TENT2: variants seen among roughly 807,000 people sequenced by gnomAD.
The protein encoded by TENT2 is terminal nucleotidyltransferase 2.
In TENT2, 44 loss-of-function variants were observed where a neutral mutation model predicts 72.2. The observed-to-expected ratio is 0.61, with a 90% CI of 0.48 to 0.78. The LOEUF (loss-of-function observed/expected upper bound fraction) is 0.78, where lower values mean the gene tolerates loss of function less well. Among genes scored for constraint, TENT2 ranks in the 30% least tolerant of loss-of-function variants. The pLI is 0.00. For synonymous variants in TENT2, 212 were observed against 192.5 expected (o/e 1.10, Z -0.84); for missense variants, 541 against 569.6 (o/e 0.95, Z 0.51).
At chr5:79,644,283 A>T (rs1308892497) in intron 7 of TENT2, among the ~76,000 whole-genome samples, 2 of 152,122 alleles carry the variant, frequency 1.3e-5, no homozygotes, top group Non-Finnish European at 2.9e-5. Context: ...AGCCCAGCTG[A>T]TATATATTCT....
intron 8 of TENT2, among the ~76,000 whole-genome samples, chr5:79,645,411 A>G (rs1787999719): frequency 6.6e-6 from 1 of 152,092 alleles, no homozygotes; most frequent in Non-Finnish European, 1.5e-5. Context: ...TGAATATGTG[A>G]GACTATCTAA....
At chr5:79,649,232 A>G (rs1791611619) in intron 10 of TENT2, 42 bp downstream of exon 10, 1 of 1,576,706 alleles carries the variant, frequency 6.3e-7, no homozygotes, top group African/African-American at 1.3e-5. Context: ...AAAGTAAAAG[A>G]CAGCTTTATT....
At chr5:79,681,944 T>C in intron 13 of TENT2, 38 bp from the exon 14 acceptor site, 1 of 1,537,190 alleles carries the variant, frequency 6.5e-7, no homozygotes, top group Admixed American at 1.8e-5. Flanking sequence ...GCTCTCATTT[T>C]AATAATTTTT....
intron 11 of TENT2, among the ~76,000 whole-genome samples, 171 bp downstream of exon 11, chr5:79,657,172 TCTTA>T (rs905325170): frequency 2.0e-5 from 3 of 152,076 alleles, no homozygotes; most frequent in Non-Finnish European, 4.4e-5. Context: ...CAGAAAACTC[TCTTA>T]CTTGTTATTT....
intron 6 of TENT2, among the ~76,000 whole-genome samples, chr5:79,641,654 A>C (rs1467924602): frequency 1.3e-5 from 2 of 151,118 alleles, no homozygotes; most frequent in African/African-American, 4.9e-5. Context: ...TTAAAATAAG[A>C]CTCGTGTTTA....
At chr5:79,637,368 A>T (rs539839102) in intron 4 of TENT2, among the ~76,000 whole-genome samples, 1 of 151,768 alleles carries the variant, frequency 6.6e-6, no homozygotes, top group African/African-American at 2.4e-5. Flanking sequence ...TCGAGATTCC[A>T]TTTCTTTCCT....
At position 79,623,397 on chromosome 5, in the gene TENT2, T is replaced by C. The variant is rs201085302; in HGVS notation, c.373T>C (p.Tyr125His). ...AATGCCACCATTGTTTCATACACAT[T>C]ATGTACCAGATATAGTCAGATGTGT... ...YSMPPLFHTH[Y>H]VPDIVRCVPP... The change falls in exon 4 of 15, where the codon TAT becomes CAT. Residue 125 changes from tyrosine to histidine, a missense_variant. Coordinates refer to ENST00000453514, the MANE Select transcript of TENT2 (RefSeq NM_001114394.3). 16 of 1,613,538 alleles carry C rather than the reference T, an allele frequency of 9.9e-6. No homozygotes were observed. The highest frequency in any genetic ancestry group is 1.4e-5 in the Non-Finnish European group (16 of 1,179,650).
At chr5:79,683,499 G>GAGT (rs1823844226) in intron 14 of TENT2, among the ~76,000 whole-genome samples, 1 of 152,124 alleles carries the variant, frequency 6.6e-6, no homozygotes, top group Admixed American at 6.5e-5. Flanking sequence ...ATGAGTAATA[G>GAGT]AGTGATACCT....
chr5:79,673,817 G>A (rs1221205668), intron 12 of TENT2, among the ~76,000 whole-genome samples: 1 of 151,824 alleles, frequency 6.6e-6, no homozygotes, highest in East Asian at 1.9e-4. Flanking sequence ...TAAATATTTG[G>A]GAGTTGTCAC....
chr5:79,641,703 CCTTTGTTTTTTTTTCTTTT>C (rs1370837913), intron 6 of TENT2, among the ~76,000 whole-genome samples: 1 of 138,570 alleles, frequency 7.2e-6, no homozygotes, highest in Non-Finnish European at 1.5e-5. Context: ...TGACATTTTG[CCTTTGTTTTTTTTTCTTTT>C]TCTTTAGCAA....
rs532148802 is a variant in TENT2, at chr5:79,648,943, C to T, written c.899-119C>T. On this transcript the variant is annotated intron_variant, in intron 9 of 14. Coordinates refer to ENST00000453514, the MANE Select transcript of TENT2 (RefSeq NM_001114394.3). ...ACATAAGACACAAAGTGAACAGACA[C>T]AGTGTTTAATATACACGGAGACAGT... is the stretch of plus-strand genomic sequence containing the variant. 6 of 1,133,784 alleles carry T rather than the reference C, an allele frequency of 5.3e-6. No homozygotes were observed. In the African/African-American group the frequency reaches 6.3e-5, roughly 12 times the overall value. 70.2% of individuals were successfully genotyped at this position (1,133,784 alleles called of 1,614,324 possible).
rs1580486904 is a variant in TENT2 at position 79,656,139 on chromosome 5, C to T, written c.1028-819C>T. ...TGTATTACTTGTATTTTACCATACT[C>T]ATGACATTATATTTTACAGTTATTT... On this transcript the variant is annotated intron_variant, in intron 10 of 14. Coordinates refer to ENST00000453514, the MANE Select transcript of TENT2 (RefSeq NM_001114394.3). Among the ~76,000 whole-genome samples, 4 of 152,008 alleles carry T rather than the reference C, an allele frequency of 2.6e-5. No homozygotes were observed. The South Asian group carries it at 6.2e-4, about 24-fold the overall frequency.
intron 11 of TENT2, among the ~76,000 whole-genome samples, chr5:79,668,005 C>G (rs960813774): frequency 6.6e-5 from 10 of 150,872 alleles, no homozygotes; most frequent in African/African-American, 2.4e-4. Flanking sequence ...GAAAACCATC[C>G]TTGATGGCAC....
chr5:79,655,125 G>A (rs1322817255), intron 10 of TENT2, among the ~76,000 whole-genome samples: 4 of 152,080 alleles, frequency 2.6e-5, no homozygotes, highest in African/African-American at 4.8e-5. Flanking sequence ...AATTTACATT[G>A]CTTGAAGTAA....
intron 10 of TENT2, among the ~76,000 whole-genome samples, chr5:79,652,257 G>C (rs193020042): frequency 6.6e-6 from 1 of 151,792 alleles, no homozygotes; most frequent in Non-Finnish European, 1.5e-5. Context: ...AATTAATTAC[G>C]ATATACCCTA....
intron 3 of TENT2, among the ~76,000 whole-genome samples, chr5:79,622,809 T>G (rs1418898615): frequency 6.6e-6 from 1 of 152,234 alleles, no homozygotes; most frequent in East Asian, 1.9e-4. Context: ...GAAAAGTGTT[T>G]CTTAATTGGT....
chr5:79,627,129 C>CAA (rs58479791), intron 4 of TENT2, among the ~76,000 whole-genome samples: 42,965 of 128,398 alleles, frequency 0.33, 8,023 homozygotes, highest in African/African-American at 0.52. Flanking sequence ...GACTCCGTCT[C>CAA]AAAAAAAAAA....
At chr5:79,644,469 T>G (rs563551223) in intron 7 of TENT2, among the ~76,000 whole-genome samples, 2 of 152,290 alleles carry the variant, frequency 1.3e-5, no homozygotes, top group South Asian at 4.1e-4. Context: ...TATATTACTT[T>G]CAACTCTAAT....
intron 12 of TENT2, among the ~76,000 whole-genome samples, chr5:79,678,831 TAACA>T (rs1167817020): frequency 6.6e-6 from 1 of 152,244 alleles, no homozygotes; most frequent in African/African-American, 2.4e-5. Flanking sequence ...TCTTAACAAA[TAACA>T]GATTGTTACT....
Sources: allele counts gnomAD v4.1 joint callset (sites outside exome capture counted in the v4.1 genomes callset), GRCh38; gene constraint gnomAD v4.1.1; transcripts MANE v1.5; gene names NCBI Gene and HGNC (gene_info 2026-07-23, HGNC 2026-07-21).